P2RY8: variants seen among roughly 807,000 people sequenced by gnomAD.
P2RY8 encodes S-geranylgeranyl-glutathione receptor P2RY8.
A neutral mutation model predicts 10.0 loss-of-function variants in P2RY8; 6 were observed. That is an observed-to-expected ratio of 0.60 (90% CI 0.33 to 1.19). The LOEUF (loss-of-function observed/expected upper bound fraction) is 1.19, where lower values mean the gene tolerates loss of function less well. Ranked by LOEUF, P2RY8 falls within the 50% of genes most tolerant of loss-of-function variation. P2RY8 has a pLI of 0.04. For synonymous variants in P2RY8, 276 were observed against 252.5 expected, an observed-to-expected ratio of 1.09 and a Z score of -0.88; for missense variants, 456 against 542.0, an observed-to-expected ratio of 0.84 and a Z score of 1.58.
chrX:1,505,731 A>G (rs1190541758), intron 1 of P2RY8, among the ~76,000 whole-genome samples: 2 of 152,030 alleles, frequency 1.3e-5, no homozygotes, highest in African/African-American at 4.8e-5. Flanking sequence ...CGGAGGTTGC[A>G]GTGAGCCGAC....
chrX:1,519,959 CT>C (rs1279453809), intron 1 of P2RY8, among the ~76,000 whole-genome samples: 1 of 151,612 alleles, frequency 6.6e-6, no homozygotes, highest in African/African-American at 2.4e-5. Context: ...AATAATCTCT[CT>C]GGTCCCCAAT....
chrX:1,484,752 G>A (rs537988819), intron 1 of P2RY8, among the ~76,000 whole-genome samples: 16,593 of 59,790 alleles, frequency 0.28, 2,061 homozygotes, highest in Non-Finnish European at 0.37. Context: ...AAAAAAAGAA[G>A]AAGAAGAAGA....
chrX:1,511,890 C>T (rs1211408653), intron 1 of P2RY8, among the ~76,000 whole-genome samples: 6 of 152,168 alleles, frequency 3.9e-5, no homozygotes, highest in Non-Finnish European at 1.5e-5. Flanking sequence ...TCGTCTGTCC[C>T]ACATCACTCG....
intron 1 of P2RY8, among the ~76,000 whole-genome samples, chrX:1,530,269 T>TTATC (rs770613678): frequency 0.078 from 11,592 of 148,330 alleles, 470 homozygotes; most frequent in East Asian, 0.096. Context: ...ATCATCACCA[T>TTATC]TATCTATCTA....
chrX:1,471,037 C>T (rs1454813632), intron 1 of P2RY8, among the ~76,000 whole-genome samples: 1 of 148,646 alleles, frequency 6.7e-6, no homozygotes, highest in Non-Finnish European at 1.5e-5. Flanking sequence ...GAGGGAGTTT[C>T]GCTCTTTTTG....
chrX:1,505,661 G>A (rs1289387189), intron 1 of P2RY8, among the ~76,000 whole-genome samples: 1 of 152,006 alleles, frequency 6.6e-6, no homozygotes, highest in East Asian at 1.9e-4. Flanking sequence ...GTGGTGGCGG[G>A]CGCCTGTCAT....
chrX:1,480,758 C>T (rs1305112796), intron 1 of P2RY8, among the ~76,000 whole-genome samples: 1 of 151,950 alleles, frequency 6.6e-6, no homozygotes, highest in Admixed American at 6.6e-5. Flanking sequence ...CACCCTGGCA[C>T]CTGTACACCT....
At chrX:1,481,300 C>T in intron 1 of P2RY8, among the ~76,000 whole-genome samples, 1 of 152,242 alleles carries the variant, frequency 6.6e-6, no homozygotes, top group Non-Finnish European at 1.5e-5. Context: ...TCCAGAGTAG[C>T]TGACAGGCAC....
chrX:1,473,956 TGGATAGATGGATGAGTGGGTGGATGGAC>T (rs2091838288), intron 1 of P2RY8, among the ~76,000 whole-genome samples: 1 of 148,470 alleles, frequency 6.7e-6, no homozygotes, highest in South Asian at 2.1e-4. Flanking sequence ...GATGGATGGG[TGGATAGATGGATGAGTGGGTGGATGGAC>T]GGATGCATGG....
In P2RY8 at chrX:1,477,983, T is replaced by C. The variant is rs192115477; in HGVS notation, c.-24-11401A>G. ...TTAAAATGCCTGCACGTGCCCCTCA[T>C]TGCCTTGCCGTCACGGACCTCCCAC... On this transcript the variant is annotated intron_variant, in intron 1 of 1. Transcript: ENST00000381297. Among the ~76,000 whole-genome samples the C allele has an allele frequency of 2.2e-3, 332 of 152,166 alleles. 1 individual carries two copies. Among genetic ancestry groups the C allele is most frequent in the African/African-American group, 7.8e-3 (323 of 41,538 alleles).
chrX:1,484,247 C>T (rs1360249756), intron 1 of P2RY8, among the ~76,000 whole-genome samples: 4 of 152,180 alleles, frequency 2.6e-5, no homozygotes, highest in Non-Finnish European at 4.4e-5. Context: ...TATTTCCCCA[C>T]GTGTGAGCCA....
At chrX:1,509,161 TTCTA>T (rs56651378) in intron 1 of P2RY8, among the ~76,000 whole-genome samples, 54,447 of 144,454 alleles carry the variant, frequency 0.38, 8,889 homozygotes, top group Middle Eastern at 0.51. Flanking sequence ...TATCCATCCA[TTCTA>T]TCTATCTATC....
intron 1 of P2RY8, among the ~76,000 whole-genome samples, chrX:1,526,570 CCATT>C (rs1417097874): frequency 3.3e-5 from 5 of 152,046 alleles, no homozygotes; most frequent in African/African-American, 1.2e-4. Context: ...ACTCATTCAT[CCATT>C]CATTCATTTA....
At chrX:1,487,491 G>A (rs1368545982) in intron 1 of P2RY8, among the ~76,000 whole-genome samples, 2 of 152,140 alleles carry the variant, frequency 1.3e-5, no homozygotes, top group African/African-American at 4.8e-5. Flanking sequence ...CGTGGTGCTT[G>A]GGACCCAGAC....
At chrX:1,499,163 C>CTTTTTTTTTTT (rs1163119480) in intron 1 of P2RY8, among the ~76,000 whole-genome samples, 6 of 48,436 alleles carry the variant, frequency 1.2e-4, no homozygotes, top group East Asian at 5.6e-4. Context: ...TTTTTCTTTT[C>CTTTTTTTTTTT]TTTTTTTTTT....
chrX:1,467,820 G>A (rs1405145773), intron 1 of P2RY8, among the ~76,000 whole-genome samples: 1 of 151,822 alleles, frequency 6.6e-6, no homozygotes, highest in Non-Finnish European at 1.5e-5. Flanking sequence ...GGGACTACAG[G>A]TGAGAGTACA....
intron 1 of P2RY8, among the ~76,000 whole-genome samples, chrX:1,506,410 G>A (rs2092233714): frequency 6.6e-6 from 1 of 152,112 alleles, no homozygotes; most frequent in African/African-American, 2.4e-5. Flanking sequence ...CAGAACTGGT[G>A]TGGCCCACCA....
intron 1 of P2RY8, among the ~76,000 whole-genome samples, chrX:1,491,528 G>C (rs2092049511): frequency 6.6e-6 from 1 of 152,240 alleles, no homozygotes; most frequent in Admixed American, 6.5e-5. Context: ...GTGAATGCAT[G>C]ATGCCCACTA....
rs552051365 is a variant in P2RY8 at position 1,502,730 on chromosome X, G to A, written c.-25+34191C>T. On this transcript the variant is annotated intron_variant, in intron 1 of 1. Transcript: ENST00000381297. ...GAGAAAATAATCCTGCATTGTCTGG[G>A]TGGGCCTTAAATGCAATGACAGGTG... Among the ~76,000 whole-genome samples the A allele has an allele frequency of 3.3e-5, 5 of 152,334 alleles. No individual in the cohort carries two copies. The South Asian group carries it at 1.0e-3, about 32-fold the overall frequency.
Sources: allele counts gnomAD v4.1 joint callset (sites outside exome capture counted in the v4.1 genomes callset), GRCh38; gene constraint gnomAD v4.1.1; transcripts MANE v1.5; gene names NCBI Gene and HGNC (gene_info 2026-07-23, HGNC 2026-07-21).